Variants in STK32C observed in about 807,000 individuals in gnomAD.
The protein encoded by STK32C is serine/threonine kinase 32C.
In STK32C, 31 loss-of-function variants were observed where a neutral mutation model predicts 56.5. The observed-to-expected ratio is 0.55, with a 90% CI of 0.41 to 0.74. The LOEUF (loss-of-function observed/expected upper bound fraction) is 0.74. Ranked by LOEUF, STK32C falls within the 30% of genes least tolerant of loss-of-function variation. The pLI is 0.00. For synonymous variants in STK32C, 309 were observed against 289.4 expected (o/e 1.07, Z -0.69); for missense variants, 544 against 676.9 (o/e 0.80, Z 2.18).
chr10:132,311,057 CT>C (rs934506290), upstream of STK32C, among the ~76,000 whole-genome samples: 1 of 152,134 alleles, frequency 6.6e-6, no homozygotes, highest in African/African-American at 2.4e-5. The surrounding 1 kb of genome is among the most constrained non-coding windows in gnomAD (Gnocchi z 4.4). Context: ...TGACACCAGG[CT>C]TCATGTGCAT....
intron 1 of STK32C, among the ~76,000 whole-genome samples, chr10:132,267,093 T>A (rs1361664268): frequency 6.6e-6 from 1 of 152,182 alleles, no homozygotes. Flanking sequence ...TTCCAGCCTG[T>A]CCTCAGGCTT....
intron 1 of STK32C, among the ~76,000 whole-genome samples, chr10:132,246,704 C>G (rs4880245): frequency 3.4e-4 from 52 of 152,196 alleles, no homozygotes; most frequent in Non-Finnish European, 4.3e-4. Flanking sequence ...GAAAGGGATT[C>G]TGATGGGCTT....
Position 132,245,903 on chromosome 10 carries a change from G to T in STK32C, c.315C>A (p.Gly105=). The change falls in exon 2 of 12, where the codon GGC becomes GGA. Residue 105 remains glycine (G), a synonymous_variant. Coordinates refer to ENST00000298630, the MANE Select transcript of STK32C (RefSeq NM_173575.4). ...CCCACCCCAGGCCCTGCCTTACCTT[G>T]CCAAAGCTGCCCTTCCCAATGGCCC... ...ILRAIGKGSF[G]KVCIVQKRDT... is the part of the protein sequence containing the mutation. 6.2e-7 allele frequency: 1 copy of T among 1,612,910 alleles called. No homozygotes were observed.
At chr10:132,265,496 G>T (rs996466253) in intron 1 of STK32C, among the ~76,000 whole-genome samples, 1 of 152,146 alleles carries the variant, frequency 6.6e-6, no homozygotes, top group Non-Finnish European at 1.5e-5. Context: ...GCACTCTGGG[G>T]CCCTGCCTGG....
chr10:132,224,216 C>T (rs2062790788), intron 8 of STK32C, among the ~76,000 whole-genome samples, 191 bp downstream of exon 8: 1 of 152,190 alleles, frequency 6.6e-6, no homozygotes, highest in Non-Finnish European at 1.5e-5. Context: ...GGCCACAGAG[C>T]CTGCCACCAG....
intron 2 of STK32C, among the ~76,000 whole-genome samples, chr10:132,242,642 GC>G (rs561342215): frequency 6.6e-6 from 1 of 152,088 alleles, no homozygotes; most frequent in Non-Finnish European, 1.5e-5. Context: ...AAAGCTGTGT[GC>G]CCCCCATGCG....
At chr10:132,264,837 T>C (rs138367965) in intron 1 of STK32C, among the ~76,000 whole-genome samples, 1,633 of 152,316 alleles carry the variant, frequency 0.011, 32 homozygotes, top group African/African-American at 0.035. Flanking sequence ...CAGTTTTCCT[T>C]GATGGAAGAC....
intron 1 of STK32C, among the ~76,000 whole-genome samples, chr10:132,250,526 G>A (rs113947464): frequency 0.091 from 8,466 of 93,404 alleles, 315 homozygotes; most frequent in East Asian, 0.16. Context: ...GTGTGTGTGA[G>A]GCGCACGGGA....
upstream of STK32C, among the ~76,000 whole-genome samples, chr10:132,309,181 A>T (rs2066172625): frequency 6.6e-6 from 1 of 151,910 alleles, no homozygotes; most frequent in South Asian, 2.1e-4. Context: ...CTGCCTCCCC[A>T]CGGCCTTTGA....
Position 132,225,266 on chromosome 10 carries a change from C to T in STK32C, c.843G>A (p.Val281=), listed in dbSNP as rs56324576. ...GCAGCAGCTCATAGGCCATCACCCC[C>T]ACCGACCACCAGTCCACCTCGAAGG... The part of the protein sequence containing the change: ...GYSFEVDWWS[V]GVMAYELLRG... The change falls in exon 7 of 12, where the codon GTG becomes GTA. Residue 281 remains valine, a synonymous_variant. Coordinates refer to ENST00000298630, the MANE Select transcript of STK32C (RefSeq NM_173575.4). 37 of 1,611,588 alleles carry T rather than the reference C, an allele frequency of 2.3e-5. No homozygotes were observed. The highest frequency in any genetic ancestry group is 5.5e-5 in the South Asian group (5 of 90,888).
upstream of STK32C, among the ~76,000 whole-genome samples, chr10:132,311,876 C>T (rs1050558146): frequency 1.3e-5 from 2 of 152,294 alleles, no homozygotes; most frequent in Admixed American, 6.5e-5. The surrounding 1 kb of genome is among the most constrained non-coding windows in gnomAD (Gnocchi z 4.4). Flanking sequence ...TTCACAGGGC[C>T]GGCACGGACA....
intron 1 of STK32C, among the ~76,000 whole-genome samples, chr10:132,302,951 A>T (rs1397660754): frequency 6.6e-6 from 1 of 152,206 alleles, no homozygotes; most frequent in Non-Finnish European, 1.5e-5. Flanking sequence ...CAACAAAATG[A>T]ACTTCAAAGC....
chr10:132,221,342 G>C (rs561283606), intron 10 of STK32C, among the ~76,000 whole-genome samples: 59 of 134,270 alleles, frequency 4.4e-4, no homozygotes, highest in African/African-American at 8.6e-4. Flanking sequence ...AACTGATGCT[G>C]ACGCACCTGG....
chr10:132,251,537 T>C (rs1239626807), intron 1 of STK32C, among the ~76,000 whole-genome samples: 1 of 151,416 alleles, frequency 6.6e-6, no homozygotes, highest in Non-Finnish European at 1.5e-5. Flanking sequence ...ACCATCTCTT[T>C]ACCCCACCTC....
At chr10:132,231,746 A>C (rs943988070) in intron 2 of STK32C, among the ~76,000 whole-genome samples, 1 of 152,250 alleles carries the variant, frequency 6.6e-6, no homozygotes, top group Admixed American at 6.5e-5. Flanking sequence ...TGACGCAGGC[A>C]TGGGGGCGAG....
rs767494790 is a variant in STK32C at position 132,307,860 on chromosome 10, C to T, written c.-27G>A. On this transcript the variant is annotated 5_prime_UTR_variant, in exon 1 of 12. Coordinates refer to ENST00000298630, the MANE Select transcript of STK32C (RefSeq NM_173575.4). The surrounding 1 kb of genome is among the most constrained non-coding windows in gnomAD (Gnocchi z 4.4). ...GCCGGGTCTGGGTGCGCGCGGCAGC[C>T]GGAACTCGGGGCATGGCCGGCCGGC... is the stretch of plus-strand genomic sequence containing the variant. 6 of 1,146,570 alleles carry T rather than the reference C, an allele frequency of 5.2e-6. No individual in the cohort carries two copies. Among genetic ancestry groups the T allele is most frequent in the Non-Finnish European group, 6.5e-6 (6 of 926,590 alleles). 71.0% of individuals were successfully genotyped at this position (1,146,570 alleles called of 1,614,324 possible).
At chr10:132,225,014 C>CA (rs1565076768) in intron 7 of STK32C, among the ~76,000 whole-genome samples, 1 of 152,266 alleles carries the variant, frequency 6.6e-6, no homozygotes, top group African/African-American at 2.4e-5. Flanking sequence ...CTGCAGGCAC[C>CA]AGCAGCGGCC....
At chr10:132,236,915 T>C (rs1295575017) in intron 2 of STK32C, among the ~76,000 whole-genome samples, 3 of 152,282 alleles carry the variant, frequency 2.0e-5, no homozygotes, top group Non-Finnish European at 4.4e-5. Flanking sequence ...TCCAAGTGCT[T>C]GTGGGCACCA....
intron 1 of STK32C, among the ~76,000 whole-genome samples, chr10:132,316,525 G>A (rs1387899757): frequency 2.6e-5 from 4 of 152,112 alleles, no homozygotes; most frequent in African/African-American, 7.2e-5. Context: ...AGGCTAAGGC[G>A]GGAGGATCCC....
Sources: allele counts gnomAD v4.1 joint callset (sites outside exome capture counted in the v4.1 genomes callset), GRCh38; gene constraint gnomAD v4.1.1; non-coding constraint Gnocchi (gnomAD v3.1); transcripts MANE v1.5; gene names NCBI Gene and HGNC (gene_info 2026-07-23, HGNC 2026-07-21).